Variants in BRI3BP observed in about 807,000 individuals in gnomAD.
BRI3BP encodes the protein BRI3 binding protein.
A neutral mutation model predicts 15.8 loss-of-function variants in BRI3BP; 7 were observed. That is an observed-to-expected ratio of 0.44 (90% CI 0.25 to 0.83). The LOEUF (loss-of-function observed/expected upper bound fraction) is 0.83. Among genes scored for constraint, BRI3BP ranks in the 40% least tolerant of loss-of-function variants. BRI3BP has a pLI of 0.20. For synonymous variants in BRI3BP, 192 were observed against 163.5 expected (o/e 1.17, Z -1.33); for missense variants, 320 against 339.3 (o/e 0.94, Z 0.45).
chr12:125,014,315 C>A (rs1955222215), intron 2 of BRI3BP, among the ~76,000 whole-genome samples: 1 of 152,192 alleles, frequency 6.6e-6, no homozygotes, highest in African/African-American at 2.4e-5. Context: ...CAGCTGCCAC[C>A]TGTCTCACGG....
chr12:125,034,922 G>A (rs1288243605), downstream of BRI3BP, among the ~76,000 whole-genome samples: 2 of 152,082 alleles, frequency 1.3e-5, no homozygotes, highest in Non-Finnish European at 2.9e-5. Flanking sequence ...ATGTAAATGG[G>A]ATGAAACAGC....
At chr12:125,003,956 A>ACAC (rs1955118800) in intron 1 of BRI3BP, among the ~76,000 whole-genome samples, 426 of 38,130 alleles carry the variant, frequency 0.011, 1 homozygote, top group Admixed American at 0.02. Flanking sequence ...CCATCTCAAA[A>ACAC]ACACACACAC....
chr12:125,013,666 A>G (rs1019839334), intron 2 of BRI3BP, among the ~76,000 whole-genome samples: 9 of 152,130 alleles, frequency 5.9e-5, no homozygotes, highest in Admixed American at 4.6e-4. Context: ...GTGTCACCTG[A>G]TGCTGCACCA....
At chr12:125,001,697 T>C (rs573115357) in intron 1 of BRI3BP, among the ~76,000 whole-genome samples, 7 of 151,970 alleles carry the variant, frequency 4.6e-5, no homozygotes, top group Middle Eastern at 3.4e-3. Flanking sequence ...TTTTACAGCA[T>C]TGACATTTCT....
intron 1 of BRI3BP, among the ~76,000 whole-genome samples, chr12:125,001,571 C>T (rs1367350853): frequency 5.9e-5 from 9 of 151,912 alleles, no homozygotes; most frequent in Admixed American, 3.9e-4. Flanking sequence ...TCCTCGAAAT[C>T]CCTGTGTTGC....
At chr12:125,048,509 A>T in the BRI3BP span, among the ~76,000 whole-genome samples, 1 of 146,534 alleles carries the variant, frequency 6.8e-6, no homozygotes, top group Non-Finnish European at 1.5e-5. Context: ...ATGAGAACAC[A>T]TGGACACAGG....
intron 2 of BRI3BP, among the ~76,000 whole-genome samples, chr12:125,023,729 T>C (rs1955321240): frequency 6.6e-6 from 1 of 152,160 alleles, no homozygotes; most frequent in Non-Finnish European, 1.5e-5. Flanking sequence ...TTAAAATTTG[T>C]GTTCTCTAGA....
chr12:125,049,253 T>C, the BRI3BP span, among the ~76,000 whole-genome samples: 1 of 152,138 alleles, frequency 6.6e-6, no homozygotes, highest in African/African-American at 2.4e-5. Flanking sequence ...CCATCCTATC[T>C]ATCAAAAGCA....
At chr12:124,999,827 C>A (rs11057962) in intron 1 of BRI3BP, among the ~76,000 whole-genome samples, 1,450 of 9,030 alleles carry the variant, frequency 0.16, 48 homozygotes, top group African/African-American at 0.33. Flanking sequence ...TCACTGTGTT[C>A]GCCAGGATGG....
At chr12:125,050,427 CAAAT>C in the BRI3BP span, among the ~76,000 whole-genome samples, 2 of 150,870 alleles carry the variant, frequency 1.3e-5, no homozygotes, top group Admixed American at 1.3e-4. Flanking sequence ...ATCATGAAAA[CAAAT>C]AAAGGCTAAT....
intron 2 of BRI3BP, among the ~76,000 whole-genome samples, chr12:125,021,681 A>AGACC: frequency 6.6e-6 from 1 of 152,300 alleles, no homozygotes; most frequent in South Asian, 2.1e-4. Flanking sequence ...AGGGGAAGCA[A>AGACC]GGCACGTCTT....
At chr12:125,019,150 G>A (rs745649837) in intron 2 of BRI3BP, among the ~76,000 whole-genome samples, 1 of 152,136 alleles carries the variant, frequency 6.6e-6, no homozygotes, top group Non-Finnish European at 1.5e-5. Flanking sequence ...GAGCCACTGC[G>A]CCCGGCCTTC....
intron 2 of BRI3BP, among the ~76,000 whole-genome samples, chr12:125,023,753 T>A (rs1955321487): frequency 6.6e-6 from 1 of 152,130 alleles, no homozygotes; most frequent in South Asian, 2.1e-4. Context: ...TGGGTCTGTA[T>A]TAGTCTATTT....
chr12:124,994,354 A>T (rs2135984303), intron 1 of BRI3BP, among the ~76,000 whole-genome samples: 1 of 152,272 alleles, frequency 6.6e-6, no homozygotes, highest in South Asian at 2.1e-4. Context: ...TGAGCCAGGC[A>T]GCACACTGGC....
In BRI3BP at chr12:124,993,988, G is replaced by C. The variant is rs766987558; in HGVS notation, c.198G>C (p.Val66=). 2 of 1,352,460 alleles carry C rather than the reference G, an allele frequency of 1.5e-6. No individual in the cohort carries two copies. The highest frequency in any genetic ancestry group is 9.6e-7 in the Non-Finnish European group (1 of 1,036,782). The allele number at this position is 1,352,460 out of a possible 1,614,324, so 83.8% of individuals were successfully genotyped here. The change falls in exon 1 of 3, where the codon GTG becomes GTC. Residue 66 remains valine (V), a synonymous_variant. Transcript: ENST00000341446. ...GCAGCCTGTTCGGCGAGGACAACGT[G>C]CGCGCCGCTCAGAAGGTGGGCGCCG... ...SVSSLFGEDN[V]RAAQKFLARL...
Position 125,026,701 on chromosome 12 carries a change from C to T in BRI3BP, c.*1271C>T, listed in dbSNP as rs1350890037. 2 of 152,168 alleles carry T rather than the reference C, an allele frequency of 1.3e-5. No individual in the cohort carries two copies. The highest frequency in any genetic ancestry group is 4.8e-5 in the African/African-American group (2 of 41,408). The allele number at this position is 152,168 out of a possible 1,614,324, so 9.4% of individuals were successfully genotyped here. A position where few individuals can be genotyped will look rare whatever the true frequency, so the allele number is the denominator to read the frequency against. ...GCGCAGTGGCTGATGCCTGTAATCC[C>T]AGCGCTTTGGGAGGCCGAGGAGTAT... On this transcript the variant is annotated 3_prime_UTR_variant, in exon 3 of 3. Transcript: ENST00000341446.
At chr12:124,996,570 C>T (rs1023637285) in intron 1 of BRI3BP, among the ~76,000 whole-genome samples, 8 of 151,826 alleles carry the variant, frequency 5.3e-5, no homozygotes, top group African/African-American at 1.5e-4. Context: ...AGTGATCTGC[C>T]GACCTCAGCC....
rs1955367471 is a variant in BRI3BP, at chr12:125,027,648, CAACAGAG to C, written c.*2219_*2225del. ...TCATACCACCACACTCTAGCCTCAGCAACAGAGTGAGACTCCGTCTCAAAAAAAATTA... is the reference window on the plus strand; with the variant it reads ...TCATACCACCACACTCTAGCCTCAGCTGAGACTCCGTCTCAAAAAAAATTA... On this transcript the variant is annotated 3_prime_UTR_variant, in exon 3 of 3. Transcript: ENST00000341446. 1 of 152,016 alleles carries C rather than the reference CAACAGAG, an allele frequency of 6.6e-6. No homozygotes were observed. The highest frequency in any genetic ancestry group is 1.5e-5 in the Non-Finnish European group (1 of 68,008). 9.4% of individuals were successfully genotyped at this position (152,016 alleles called of 1,614,324 possible). A position where few individuals can be genotyped will look rare whatever the true frequency, so the allele number is the denominator to read the frequency against.
At chr12:125,004,295 G>A (rs1007686773) in intron 1 of BRI3BP, among the ~76,000 whole-genome samples, 4 of 151,950 alleles carry the variant, frequency 2.6e-5, no homozygotes, top group Non-Finnish European at 4.4e-5. Context: ...GCCTTCTCCC[G>A]AGTAGCTGGA....
Sources: allele counts gnomAD v4.1 joint callset (sites outside exome capture counted in the v4.1 genomes callset), GRCh38; gene constraint gnomAD v4.1.1; transcripts MANE v1.5; gene names NCBI Gene and HGNC (gene_info 2026-07-23, HGNC 2026-07-21).